The following CAMTA1 variants were observed in gnomAD, a reference collection of about 807,000 sequenced individuals.
CAMTA1 encodes the protein calmodulin-binding transcription activator 1.
Under a neutral mutation model 170.9 loss-of-function variants are expected in CAMTA1, and 27 were observed. The observed-to-expected ratio is 0.16, with a 90% CI of 0.12 to 0.22. CAMTA1 has a LOEUF of 0.22. Among genes scored for constraint, CAMTA1 ranks in the 10% least tolerant of loss-of-function variants. The pLI is 1.00. For missense variants in CAMTA1, 1,619 were observed against 2,217.2 expected, an observed-to-expected ratio of 0.73 and a Z score of 5.42; for synonymous variants, 833 against 891.5, an observed-to-expected ratio of 0.93 and a Z score of 1.17.
intron 4 of CAMTA1, among the ~76,000 whole-genome samples, chr1:7,200,683 T>C (rs1656505882): frequency 6.6e-6 from 1 of 152,218 alleles, no homozygotes; most frequent in South Asian, 2.1e-4. Context: ...GAAGCCATGT[T>C]ATGTCCTTCT....
chr1:7,539,040 A>C (rs1331998115), intron 6 of CAMTA1, among the ~76,000 whole-genome samples: 1 of 152,212 alleles, frequency 6.6e-6, no homozygotes, highest in African/African-American at 2.4e-5. Context: ...CACAGCCTCC[A>C]GATGCAAACA....
At chr1:7,447,363 G>A (rs949946673) in intron 5 of CAMTA1, among the ~76,000 whole-genome samples, 3 of 150,438 alleles carry the variant, frequency 2.0e-5, no homozygotes, top group Admixed American at 6.6e-5. Flanking sequence ...GGAGGGAAGC[G>A]GAGTGAAGTC....
intron 1 of CAMTA1, among the ~76,000 whole-genome samples, chr1:6,791,943 C>T (rs1178743777): frequency 1.3e-5 from 2 of 151,608 alleles, no homozygotes; most frequent in African/African-American, 2.4e-5. Context: ...TGATAATTGT[C>T]ATGCATTTAT....
intron 5 of CAMTA1, among the ~76,000 whole-genome samples, chr1:7,314,438 G>T (rs1310823507): frequency 6.6e-6 from 1 of 152,218 alleles, no homozygotes; most frequent in Non-Finnish European, 1.5e-5. Context: ...CTTGTGGGTG[G>T]AGACAGTCCA....
chr1:7,101,366 G>A (rs1056861329), intron 4 of CAMTA1, among the ~76,000 whole-genome samples: 2 of 152,184 alleles, frequency 1.3e-5, no homozygotes, highest in South Asian at 4.1e-4. Flanking sequence ...CGAGTTCTTG[G>A]AATAAAGGAC....
chr1:7,170,743 T>C (rs1170381027), intron 4 of CAMTA1, among the ~76,000 whole-genome samples: 2 of 152,222 alleles, frequency 1.3e-5, no homozygotes, highest in Non-Finnish European at 2.9e-5. Flanking sequence ...GTTCCAAGTC[T>C]AAAACATATT....
At chr1:7,201,124 G>A (rs534694472) in intron 4 of CAMTA1, among the ~76,000 whole-genome samples, 1 of 152,248 alleles carries the variant, frequency 6.6e-6, no homozygotes, top group East Asian at 1.9e-4. Context: ...CTCTGTTCTG[G>A]ACCTTTGTAA....
At chr1:7,717,629 C>T (rs2096620710) in intron 11 of CAMTA1, among the ~76,000 whole-genome samples, 1 of 151,956 alleles carries the variant, frequency 6.6e-6, no homozygotes, top group Non-Finnish European at 1.5e-5. Flanking sequence ...TGCCTGTGGT[C>T]CCAGCTACTT....
intron 3 of CAMTA1, among the ~76,000 whole-genome samples, chr1:6,900,341 G>C (rs571369688): frequency 6.6e-6 from 1 of 152,254 alleles, no homozygotes; most frequent in African/African-American, 2.4e-5. Context: ...ACAGCCTCCT[G>C]TCATCCCTTG....
At chr1:7,370,918 T>C (rs1308570266) in intron 5 of CAMTA1, among the ~76,000 whole-genome samples, 1 of 124,850 alleles carries the variant, frequency 8.0e-6, no homozygotes, top group Non-Finnish European at 1.7e-5. Context: ...TTCTTTCTTT[T>C]TTTTTTTTTT....
intron 6 of CAMTA1, among the ~76,000 whole-genome samples, chr1:7,527,216 G>A (rs1374963323): frequency 6.6e-6 from 1 of 152,196 alleles, no homozygotes; most frequent in Admixed American, 6.5e-5. Flanking sequence ...AGGAGTGACT[G>A]TTTCCAGAGA....
rs980259328 is a variant in CAMTA1 at position 7,144,218 on chromosome 1, C to T, written c.302+52847C>T. On this transcript the variant is annotated intron_variant, in intron 4 of 22. Transcript: ENST00000303635. This position sits in a 1 kb window ranked among gnomAD's most constrained non-coding sequence, Gnocchi z 4.0. ...TGGACGACTGCCTTCTTGCTATGTCCTCAGATGGCCTTTTCTAAGTGTGTG... is the reference window on the plus strand; with the variant it reads ...TGGACGACTGCCTTCTTGCTATGTCTTCAGATGGCCTTTTCTAAGTGTGTG... Among the ~76,000 whole-genome samples, 20 of 151,942 alleles carry T rather than the reference C, an allele frequency of 1.3e-4. No individual in the cohort carries two copies. The highest frequency in any genetic ancestry group is 4.6e-4 in the African/African-American group (19 of 41,354).
chr1:6,929,892 C>T (rs1201214214), intron 3 of CAMTA1, among the ~76,000 whole-genome samples: 1 of 152,218 alleles, frequency 6.6e-6, no homozygotes, highest in Non-Finnish European at 1.5e-5. Flanking sequence ...GATGAAAATT[C>T]TCCTTCGGTC....
intron 5 of CAMTA1, among the ~76,000 whole-genome samples, chr1:7,288,822 A>G (rs1025813571): frequency 9.9e-5 from 15 of 152,180 alleles, no homozygotes; most frequent in African/African-American, 3.6e-4. Flanking sequence ...AGCATTTGGT[A>G]TTAGCGGGAG....
intron 21 of CAMTA1, among the ~76,000 whole-genome samples, chr1:7,752,852 G>A (rs2096907024): frequency 6.6e-6 from 1 of 152,158 alleles, no homozygotes; most frequent in African/African-American, 2.4e-5. Context: ...TGATTGATAT[G>A]CCACATTGCA....
chr1:7,565,965 G>GA lies in CAMTA1; in HGVS notation c.511-74433dup, dbSNP rs1234351538. On this transcript the variant is annotated intron_variant, in intron 6 of 22. Transcript: ENST00000303635. This position sits in a 1 kb window ranked among gnomAD's most constrained non-coding sequence, Gnocchi z 4.5. ...GAGAGAGAGAATCTTACTCTTCTTA[G>GA]AAGTCTTCCAATCCTATTGGATTAG... 6.6e-6 allele frequency among the ~76,000 whole-genome samples: 1 copy of GA among 151,944 alleles called. No homozygotes were observed. Among genetic ancestry groups the GA allele is most frequent in the African/African-American group, 2.4e-5 (1 of 41,336 alleles).
At chr1:7,330,857 G>T (rs1013733193) in intron 5 of CAMTA1, among the ~76,000 whole-genome samples, 1 of 152,204 alleles carries the variant, frequency 6.6e-6, no homozygotes, top group African/African-American at 2.4e-5. Flanking sequence ...AGATACTGGG[G>T]GAAGCAGGCA....
chr1:7,011,619 G>A (rs1038927203), intron 3 of CAMTA1, among the ~76,000 whole-genome samples: 24 of 152,068 alleles, frequency 1.6e-4, no homozygotes, highest in South Asian at 4.1e-4. Flanking sequence ...AAAAATCCCC[G>A]TCCCAGTTCC....
At chr1:7,686,724 T>C (rs909271884) in intron 11 of CAMTA1, among the ~76,000 whole-genome samples, 3 of 152,082 alleles carry the variant, frequency 2.0e-5, no homozygotes, top group African/African-American at 7.2e-5. Context: ...CCAGGGCTCT[T>C]GCGTCCGTTC....
Sources: gnomAD v4.1 joint callset for allele counts (sites outside exome capture counted in the v4.1 genomes callset) on GRCh38, gnomAD v4.1.1 for gene constraint, Gnocchi (gnomAD v3.1) non-coding constraint, MANE v1.5 for transcripts, NCBI Gene and HGNC (gene_info 2026-07-23, HGNC 2026-07-21) for gene names.